EBF1: variants seen among roughly 807,000 people sequenced by gnomAD.
EBF1 encodes the protein EBF transcription factor 1.
In EBF1, 10 loss-of-function variants were observed where a neutral mutation model predicts 68.4. That is an observed-to-expected ratio of 0.15 (90% CI 0.09 to 0.25). EBF1 has a LOEUF of 0.25. Ranked by LOEUF, EBF1 falls within the 10% of genes least tolerant of loss-of-function variation. The pLI is 1.00. For synonymous variants in EBF1, 298 were observed against 299.8 expected (o/e 0.99, Z 0.06); for missense variants, 509 against 794.4 (o/e 0.64, Z 4.32).
intron 6 of EBF1, among the ~76,000 whole-genome samples, chr5:158,890,403 C>A (rs1800940327): frequency 6.6e-6 from 1 of 152,224 alleles, no homozygotes; most frequent in Non-Finnish European, 1.5e-5. Flanking sequence ...TAGCCACCAG[C>A]CACTTCTACA....
chr5:159,029,272 T>G (rs1012933854), intron 6 of EBF1, among the ~76,000 whole-genome samples: 1 of 152,188 alleles, frequency 6.6e-6, no homozygotes, highest in African/African-American at 2.4e-5. Context: ...TGGCAAAGAT[T>G]TGAATAAGTG....
At position 159,099,573 on chromosome 5, in the gene EBF1, A is replaced by C; in HGVS notation, c.-95T>G. 4.5e-6 allele frequency: 6 copies of C among 1,345,238 alleles called. No homozygotes were observed. Among genetic ancestry groups the C allele is most frequent in the Non-Finnish European group, 4.8e-6 (5 of 1,033,228 alleles). 83.3% of individuals were successfully genotyped at this position (1,345,238 alleles called of 1,614,324 possible). The stretch of plus-strand genomic sequence containing the variant: ...AAAAGAAAGAAAAGAAAAGAAACAA[A>C]AACGCCAACCAGAGATTTTTTTTTT... On this transcript the variant is annotated 5_prime_UTR_variant, in exon 1 of 16. Coordinates refer to ENST00000313708, the MANE Select transcript of EBF1 (RefSeq NM_024007.5).
At chr5:159,029,523 C>T (rs1239045023) in intron 6 of EBF1, among the ~76,000 whole-genome samples, 2 of 152,228 alleles carry the variant, frequency 1.3e-5, no homozygotes, top group East Asian at 3.9e-4. Context: ...ATGCGTGGGG[C>T]TATAGGGATT....
intron 6 of EBF1, among the ~76,000 whole-genome samples, chr5:158,900,197 T>A (rs1803004150): frequency 1.3e-5 from 2 of 152,226 alleles, no homozygotes; most frequent in Admixed American, 1.3e-4. Context: ...TCTTGTGTTT[T>A]TCCCTCTGGG....
intron 6 of EBF1, among the ~76,000 whole-genome samples, chr5:159,020,993 C>T (rs1431208492): frequency 2.0e-5 from 3 of 152,254 alleles, no homozygotes; most frequent in Non-Finnish European, 2.9e-5. Flanking sequence ...TGACCCTTGA[C>T]CTCTTCCCGA....
At chr5:158,754,599 C>T (rs1400111955) in intron 10 of EBF1, among the ~76,000 whole-genome samples, 1 of 152,108 alleles carries the variant, frequency 6.6e-6, no homozygotes, top group Non-Finnish European at 1.5e-5. Flanking sequence ...TTTATTTATT[C>T]TGTCAATAAC....
chr5:158,710,607 G>A (rs970120502), intron 14 of EBF1, among the ~76,000 whole-genome samples: 5 of 152,128 alleles, frequency 3.3e-5, no homozygotes, highest in Non-Finnish European at 7.4e-5. Flanking sequence ...ACAAACTGCT[G>A]ATTCCAAACT....
intron 6 of EBF1, among the ~76,000 whole-genome samples, chr5:158,910,393 T>A (rs1010175220): frequency 6.6e-5 from 10 of 152,208 alleles, no homozygotes; most frequent in African/African-American, 2.4e-4. Context: ...ACTTAGAAAT[T>A]CGTGGAAGTA....
chr5:158,931,364 G>A (rs1209768613), intron 6 of EBF1, among the ~76,000 whole-genome samples: 1 of 152,174 alleles, frequency 6.6e-6, no homozygotes, highest in Non-Finnish European at 1.5e-5. Context: ...CTTAACTACT[G>A]TGAATGAAAA....
intron 6 of EBF1, among the ~76,000 whole-genome samples, chr5:158,945,519 T>C (rs943818957): frequency 1.3e-5 from 2 of 152,188 alleles, no homozygotes; most frequent in Non-Finnish European, 2.9e-5. Context: ...TTCTGGCTTG[T>C]AGGGTTTCTG....
rs928636205 is a variant in EBF1 at position 158,696,462 on chromosome 5, C to T, written c.*2649G>A. 2 of 222,144 alleles carry T rather than the reference C, an allele frequency of 9.0e-6. No individual in the cohort carries two copies. The highest frequency in any genetic ancestry group is 4.5e-5 in the African/African-American group (2 of 44,630). 13.8% of individuals were successfully genotyped at this position (222,144 alleles called of 1,614,324 possible). ...TAGTGTCTGTTGTCAAGGTCTAAGC[C>T]GGACACCTTCCCGGCTGACCGTTCA... On this transcript the variant is annotated 3_prime_UTR_variant, in exon 16 of 16. Transcript: ENST00000313708.
intron 10 of EBF1, among the ~76,000 whole-genome samples, chr5:158,755,370 T>G (rs1769847150): frequency 6.6e-6 from 1 of 152,070 alleles, no homozygotes. Flanking sequence ...TTACCCAGAT[T>G]TCTACCAGAG....
At chr5:158,716,964 T>A (rs921119533) in intron 11 of EBF1, among the ~76,000 whole-genome samples, 1 of 152,216 alleles carries the variant, frequency 6.6e-6, no homozygotes, top group African/African-American at 2.4e-5. Context: ...AGGGACTAAA[T>A]TGAAGTAGCT....
At chr5:158,951,280 T>C (rs1389757817) in intron 6 of EBF1, among the ~76,000 whole-genome samples, 2 of 152,232 alleles carry the variant, frequency 1.3e-5, no homozygotes, top group Admixed American at 6.5e-5. Context: ...TATTATATAT[T>C]GCCATGTTGA....
chr5:159,078,570 G>T (rs1779210910), intron 5 of EBF1, among the ~76,000 whole-genome samples: 1 of 152,180 alleles, frequency 6.6e-6, no homozygotes, highest in Non-Finnish European at 1.5e-5. Context: ...CTTGGGATTT[G>T]CTCTCTCATG....
intron 6 of EBF1, among the ~76,000 whole-genome samples, chr5:158,961,551 G>T (rs1818187924): frequency 6.6e-6 from 1 of 151,994 alleles, no homozygotes; most frequent in Non-Finnish European, 1.5e-5. Context: ...ATCCAATTTT[G>T]TAAATACACA....
At chr5:158,723,781 C>T (rs1050955874) in intron 11 of EBF1, among the ~76,000 whole-genome samples, 13 of 151,956 alleles carry the variant, frequency 8.6e-5, no homozygotes, top group African/African-American at 1.2e-4. Flanking sequence ...AAGCATTTGC[C>T]GCAAAATAAG....
chr5:159,065,340 C>A (rs371140385), intron 6 of EBF1, among the ~76,000 whole-genome samples: 1 of 152,266 alleles, frequency 6.6e-6, no homozygotes, highest in African/African-American at 2.4e-5. Context: ...GAGTCTAAGT[C>A]GCGTGCACCA....
chr5:158,708,615 T>C (rs894248520), intron 14 of EBF1, among the ~76,000 whole-genome samples: 2 of 151,650 alleles, frequency 1.3e-5, no homozygotes, highest in Non-Finnish European at 2.9e-5. Context: ...CACAAAACAG[T>C]GAGAAAGGTG....
Sources: gnomAD v4.1 joint callset for allele counts (sites outside exome capture counted in the v4.1 genomes callset) on GRCh38, gnomAD v4.1.1 for gene constraint, MANE v1.5 for transcripts, NCBI Gene and HGNC (gene_info 2026-07-23, HGNC 2026-07-21) for gene names.